Variants in GARRE1 observed in about 807,000 individuals in gnomAD.
GARRE1 encodes granule associated Rac and RHOG effector protein 1.
GARRE1 carries 49 observed loss-of-function variants against 103.2 expected under a neutral mutation model. The ratio of observed to expected loss-of-function variants is 0.47; its 90% CI spans 0.38 to 0.60. The LOEUF (loss-of-function observed/expected upper bound fraction) is 0.60, where lower values mean the gene tolerates loss of function less well. GARRE1 is among the 20% of genes least tolerant of loss of function. GARRE1 has a pLI of 0.00. For missense variants in GARRE1, 1,199 were observed against 1,370.5 expected (o/e 0.87, Z 1.98); for synonymous variants, 505 against 532.8 (o/e 0.95, Z 0.72).
Position 34,328,006 on chromosome 19 carries a change from C to G in GARRE1, c.959C>G (p.Ala320Gly). 6.2e-7 allele frequency: 1 copy of G among 1,614,154 alleles called. No individual in the cohort carries two copies. Among genetic ancestry groups the G allele is most frequent in the Non-Finnish European group, 8.5e-7 (1 of 1,180,030 alleles). The change falls in exon 6 of 14, where the codon GCG becomes GGG. Residue 320 changes from alanine to glycine, a missense_variant. Physicochemically the swap from Ala to Gly is moderately conservative, Grantham distance 60. Coordinates refer to ENST00000299505, the MANE Select transcript of GARRE1 (RefSeq NM_014686.5). ...EASLQGCCSE[A>G]EAQQTGRRQT... ...CTTTTCCAGGGCTGCTGCAGCGAGG[C>G]GGAAGCCCAGCAGACGGGGCGGAGG...
intron 1 of GARRE1, among the ~76,000 whole-genome samples, chr19:34,295,895 C>A (rs572906348): frequency 2.0e-4 from 30 of 152,186 alleles, no homozygotes; most frequent in African/African-American, 7.2e-4. Context: ...ATTTAGTTGT[C>A]CCATCACCAT....
At chr19:34,301,191 T>A (rs2073976947) in intron 2 of GARRE1, among the ~76,000 whole-genome samples, 2 of 152,118 alleles carry the variant, frequency 1.3e-5, no homozygotes, top group South Asian at 4.2e-4. Flanking sequence ...CCCAGCACTT[T>A]GGGAGGCCAA....
chr19:34,311,608 T>G (rs949501091), intron 2 of GARRE1, among the ~76,000 whole-genome samples: 4 of 152,152 alleles, frequency 2.6e-5, no homozygotes, highest in Admixed American at 1.3e-4. Context: ...AACATAATTT[T>G]TTTTTCTTTT....
At chr19:34,340,129 A>C in intron 9 of GARRE1, 137 bp downstream of exon 9, 1 of 864,650 alleles carries the variant, frequency 1.2e-6, no homozygotes, top group Non-Finnish European at 1.8e-6. Flanking sequence ...TTTTATTTTC[A>C]GAATAATTTA....
rs2145279473 is a variant in GARRE1, at chr19:34,341,611, C to T, written c.1677C>T (p.Ser559=). 1 of 1,614,190 alleles carries T rather than the reference C, an allele frequency of 6.2e-7. No individual in the cohort carries two copies. Among genetic ancestry groups the T allele is most frequent in the South Asian group, 1.1e-5 (1 of 91,088 alleles). Residue 559 remains serine (S), a synonymous_variant, in exon 10 of 14, where the codon TCC becomes TCT. Coordinates refer to ENST00000299505, the MANE Select transcript of GARRE1 (RefSeq NM_014686.5). Reference sequence around the variant, plus strand: ...GCTCCAGCAGCAGCACAAATTATTCCATCCAAAATACCCCTTCCAAAAACA... The same window carrying T: ...GCTCCAGCAGCAGCACAAATTATTCTATCCAAAATACCCCTTCCAAAAACA... ...CTSSSSSTNY[S]IQNTPSKNIF...
At chr19:34,344,308 AG>A (rs2074200084) in intron 10 of GARRE1, among the ~76,000 whole-genome samples, 1 of 152,140 alleles carries the variant, frequency 6.6e-6, no homozygotes, top group East Asian at 1.9e-4. Context: ...AGGACACTCC[AG>A]GCCGGGCGCT....
At chr19:34,284,372 G>A (rs2073874282) in intron 1 of GARRE1, among the ~76,000 whole-genome samples, 1 of 152,196 alleles carries the variant, frequency 6.6e-6, no homozygotes, top group African/African-American at 2.4e-5. Flanking sequence ...TGATCTGCCC[G>A]TCTCAGCCTC....
intron 11 of GARRE1, chr19:34,348,280 T>C (rs1181261850): frequency 2.8e-6 from 1 of 363,550 alleles, no homozygotes; most frequent in Non-Finnish European, 4.9e-6. Context: ...CATTCATGAT[T>C]TTCAAAACAG....
chr19:34,265,471 T>G (rs887343447), intron 1 of GARRE1: 2 of 152,264 alleles, frequency 1.3e-5, no homozygotes, highest in Admixed American at 1.3e-4. Context: ...GTGTCCCTTC[T>G]GTTCCTGCCT....
Position 34,347,957 on chromosome 19 carries a change from C to A in GARRE1, c.2602C>A (p.Arg868Ser). 6.3e-7 allele frequency: 1 copy of A among 1,588,916 alleles called. No homozygotes were observed. The highest frequency in any genetic ancestry group is 1.1e-5 in the South Asian group (1 of 87,866). The part of the protein sequence containing the change: ...MQQKRQAQHG[R>S]RPGNPRGNWP... ...GCAGAAGCGGCAGGCCCAGCACGGT[C>A]GCCGGCCAGGCAACCCCCGGGGCAA... The change falls in exon 11 of 14, where the codon CGC becomes AGC. Residue 868 changes from arginine to serine, a missense_variant. Transcript: ENST00000299505.
chr19:34,328,058 T>C lies in GARRE1; in HGVS notation c.1011T>C (p.Cys337=). The C allele has an allele frequency of 2.5e-6, 4 of 1,614,190 alleles. No homozygotes were observed. The highest frequency in any genetic ancestry group is 3.4e-6 in the Non-Finnish European group (4 of 1,180,030). The change falls in exon 6 of 14, where the codon TGT becomes TGC. Residue 337 remains cysteine (C), a synonymous_variant. Coordinates refer to ENST00000299505, the MANE Select transcript of GARRE1 (RefSeq NM_014686.5). ...AGACACCCCCGCAGCCCATGCAGTG[T>C]GAGCTCCCCACCGTCCCTGTGCAGA... The part of the protein sequence containing the change: ...RRQTPPQPMQ[C]ELPTVPVQIG...
rs775494466 is a variant in GARRE1 at position 34,328,042 on chromosome 19, C to T, written c.995C>T (p.Pro332Leu). Reference sequence around the variant, plus strand: ...CAGACGGGGCGGAGGCAGACACCCCCGCAGCCCATGCAGTGTGAGCTCCCC... The same window carrying T: ...CAGACGGGGCGGAGGCAGACACCCCTGCAGCCCATGCAGTGTGAGCTCCCC... ...AQQTGRRQTP[P>L]QPMQCELPTV... Residue 332 changes from proline to leucine, a missense_variant, in exon 6 of 14, where the codon CCG becomes CTG. By Grantham distance (98) the Pro-to-Leu change is moderately conservative. Coordinates refer to ENST00000299505, the MANE Select transcript of GARRE1 (RefSeq NM_014686.5). 8.1e-6 allele frequency: 13 copies of T among 1,614,168 alleles called. No individual in the cohort carries two copies. In the East Asian group the frequency reaches 1.6e-4, roughly 19 times the overall value.
chr19:34,274,958 T>G (rs1364457789), intron 1 of GARRE1, among the ~76,000 whole-genome samples: 1 of 152,222 alleles, frequency 6.6e-6, no homozygotes. Context: ...GAGAATAAAA[T>G]TCTTCAAAGC....
At position 34,349,091 on chromosome 19, in the gene GARRE1, C is replaced by A. The variant is rs139829071; in HGVS notation, c.2763C>A (p.Asn921Lys). The A allele has an allele frequency of 1.2e-6, 2 of 1,612,806 alleles. No homozygotes were observed. Among genetic ancestry groups the A allele is most frequent in the Non-Finnish European group, 1.7e-6 (2 of 1,179,974 alleles). Residue 921 changes from asparagine to lysine, a missense_variant, in exon 12 of 14, where the codon AAC (asparagine) becomes AAA (lysine). Transcript: ENST00000299505. ...CGAGTGATGAGACATCCTCAGCCAACGGGGACAGCTTGTTCTCCATGTTTT... is the reference window on the plus strand; with the variant it reads ...CGAGTGATGAGACATCCTCAGCCAAAGGGGACAGCTTGTTCTCCATGTTTT... Reference protein sequence around the residue: ...ASSSDETSSANGDSLFSMFSG... With the variant: ...ASSSDETSSAKGDSLFSMFSG...
chr19:34,270,976 T>C (rs970911823), intron 1 of GARRE1, among the ~76,000 whole-genome samples: 13 of 152,110 alleles, frequency 8.5e-5, no homozygotes. Context: ...CCAAAACATC[T>C]CTAGACATTG....
chr19:34,341,010 C>T (rs1163229835), intron 9 of GARRE1, among the ~76,000 whole-genome samples: 1 of 152,202 alleles, frequency 6.6e-6, no homozygotes, highest in Non-Finnish European at 1.5e-5. Context: ...AACGTTGGCA[C>T]ATAGTATCCC....
intron 6 of GARRE1, among the ~76,000 whole-genome samples, chr19:34,329,604 G>A (rs374506471): frequency 2.6e-3 from 400 of 152,268 alleles, no homozygotes; most frequent in African/African-American, 9.4e-3. Context: ...GGGAGGCCGA[G>A]GTGGGCAGAT....
chr19:34,284,127 CTTTTTTTTTTT>C (rs10608784), intron 1 of GARRE1, among the ~76,000 whole-genome samples: 6 of 73,436 alleles, frequency 8.2e-5, no homozygotes, highest in South Asian at 5.2e-4. Flanking sequence ...GCCCGGCTTT[CTTTTTTTTTTT>C]TTTTTTTTTT....
intron 1 of GARRE1, among the ~76,000 whole-genome samples, chr19:34,275,167 TG>T (rs2073809631): frequency 1.1e-5 from 1 of 88,822 alleles, no homozygotes. Flanking sequence ...ACATTTTCTG[TG>T]TTTTTTTTTT....
Sources: allele counts gnomAD v4.1 joint callset (sites outside exome capture counted in the v4.1 genomes callset), GRCh38; gene constraint gnomAD v4.1.1; transcripts MANE v1.5; gene names NCBI Gene and HGNC (gene_info 2026-07-23, HGNC 2026-07-21).